The following ARHGEF18 variants were observed in gnomAD, a reference collection of about 807,000 sequenced individuals.
ARHGEF18 encodes the protein rho guanine nucleotide exchange factor 18.
A neutral mutation model predicts 155.7 loss-of-function variants in ARHGEF18; 93 were observed. The ratio of observed to expected loss-of-function variants is 0.60; its 90% confidence interval spans 0.50 to 0.71. The LOEUF is 0.71. ARHGEF18 is among the 30% of genes least tolerant of loss of function. The probability of loss-of-function intolerance (pLI) is 0.00; values close to 1 mark genes in which losing one functional copy is unlikely to be tolerated. For missense variants in ARHGEF18, 1,593 were observed against 1,816.1 expected, an observed-to-expected ratio of 0.88 and a Z score of 2.23; for synonymous variants, 742 against 753.1, an observed-to-expected ratio of 0.99 and a Z score of 0.24.
intron 1 of ARHGEF18, among the ~76,000 whole-genome samples, chr19:7,352,205 C>A (rs1452420147): frequency 1.3e-5 from 2 of 151,630 alleles, no homozygotes; most frequent in African/African-American, 2.4e-5. Flanking sequence ...TTGCTTTGGG[C>A]AGGCAGTTAG....
downstream of ARHGEF18, chr19:7,477,440 TG>T: frequency 7.0e-7 from 1 of 1,431,756 alleles, no homozygotes. Context: ...CAGCGGGCTG[TG>T]GGGCAGAGAG....
At chr19:7,451,799 G>C (rs1427854838) in intron 16 of ARHGEF18, among the ~76,000 whole-genome samples, 2 of 151,898 alleles carry the variant, frequency 1.3e-5, no homozygotes, top group Non-Finnish European at 2.9e-5. Flanking sequence ...TCGGCTCACT[G>C]CAACCTCCAC....
At chr19:7,412,139 A>G (rs7255362) in intron 10 of ARHGEF18, among the ~76,000 whole-genome samples, 101,548 of 150,618 alleles carry the variant, frequency 0.67, 34,860 homozygotes, top group African/African-American at 0.79. Context: ...GGGTTCAAGC[A>G]ATTCTCCTGC....
rs1426312739 is a variant in ARHGEF18, at chr19:7,440,628, C to T, written c.1106+146C>T. ...TGCTAAGCAGAGAAATTCCCATTAA[C>T]GCTTGCTTCCAGGATCCACGCCTTT... On this transcript the variant is annotated intron_variant, in intron 11 of 28. Transcript: ENST00000668164. The surrounding 1 kb of genome is among the most constrained non-coding windows in gnomAD (Gnocchi z 5.4). 50 of 1,167,122 alleles carry T rather than the reference C, an allele frequency of 4.3e-5. No homozygotes were observed. Among genetic ancestry groups the T allele is most frequent in the South Asian group, 1.9e-4 (12 of 62,070 alleles). The allele number at this position is 1,167,122 out of a possible 1,614,324, so 72.3% of individuals were successfully genotyped here.
intron 10 of ARHGEF18, among the ~76,000 whole-genome samples, chr19:7,428,759 C>T (rs948333514): frequency 3.9e-5 from 6 of 152,240 alleles, no homozygotes; most frequent in South Asian, 2.1e-4. Flanking sequence ...CCCTGCAGGT[C>T]GAACCTTTGG....
chr19:7,353,623 AAGAAAAAG>A (rs1969209343), intron 1 of ARHGEF18, among the ~76,000 whole-genome samples: 1 of 151,838 alleles, frequency 6.6e-6, no homozygotes. Flanking sequence ...AGAAAAGAAA[AAGAAAAAG>A]AAATAGATAT....
At chr19:7,415,372 G>T (rs903609508) in intron 10 of ARHGEF18, among the ~76,000 whole-genome samples, 2 of 151,370 alleles carry the variant, frequency 1.3e-5, no homozygotes, top group African/African-American at 4.9e-5. Flanking sequence ...CCCCTGCACC[G>T]CCCCTCTCTG....
At chr19:7,360,362 A>G (rs921130632) in intron 1 of ARHGEF18, among the ~76,000 whole-genome samples, 1 of 151,662 alleles carries the variant, frequency 6.6e-6, no homozygotes, top group Non-Finnish European at 1.5e-5. Flanking sequence ...CAGCCTCCCT[A>G]GTAGCTGGAA....
intron 2 of ARHGEF18, among the ~76,000 whole-genome samples, chr19:7,364,741 G>A (rs1205876801): frequency 6.6e-6 from 1 of 152,160 alleles, no homozygotes; most frequent in African/African-American, 2.4e-5. Context: ...GTCTCCTGGG[G>A]TGGAAGATGT....
At chr19:7,468,674 G>A in intron 26 of ARHGEF18, 151 bp from the exon 27 acceptor site, 1 of 829,206 alleles carries the variant, frequency 1.2e-6, no homozygotes, top group Non-Finnish European at 1.9e-6. Context: ...AGGGGTTGGG[G>A]ACGGGCAATG....
intron 10 of ARHGEF18, among the ~76,000 whole-genome samples, chr19:7,432,222 T>C (rs1215053361): frequency 6.6e-6 from 1 of 152,212 alleles, no homozygotes; most frequent in African/African-American, 2.4e-5. Context: ...AGGCAGGAAC[T>C]GTGAACTGAA....
chr19:7,454,611 G>A (rs1427998690), intron 17 of ARHGEF18, among the ~76,000 whole-genome samples: 1 of 152,190 alleles, frequency 6.6e-6, no homozygotes, highest in Non-Finnish European at 1.5e-5. Context: ...GCTACTTCAT[G>A]GCTGAAGGGA....
intron 2 of ARHGEF18, among the ~76,000 whole-genome samples, chr19:7,367,844 A>ATATATATACATATATATATAT (rs1568270204): frequency 0.033 from 129 of 3,888 alleles, 32 homozygotes; most frequent in African/African-American, 0.069. Context: ...TATATATTTT[A>ATATATATACATATATATATAT]TATATATATA....
At chr19:7,385,823 A>ATCTATCTCTCTCTCTCTCTC (rs1970985418) in intron 10 of ARHGEF18, among the ~76,000 whole-genome samples, 1 of 73,782 alleles carries the variant, frequency 1.4e-5, no homozygotes, top group Admixed American at 1.4e-4. Flanking sequence ...GATAGGATCT[A>ATCTATCTCTCTCTCTCTCTC]TCTCTCTCTA....
intron 22 of ARHGEF18, 142 bp downstream of exon 22, chr19:7,464,097 G>C: frequency 8.1e-7 from 1 of 1,234,956 alleles, no homozygotes; most frequent in Non-Finnish European, 1.1e-6. Context: ...GAGTGCAGTG[G>C]CGCAATCTCA....
chr19:7,450,501 C>CATTAATAT (rs1975319953), intron 15 of ARHGEF18, among the ~76,000 whole-genome samples: 1 of 1,084 alleles, frequency 9.2e-4, no homozygotes, highest in Non-Finnish European at 4.7e-3. Flanking sequence ...GATGTTAATA[C>CATTAATAT]GGGATCTTGC....
At chr19:7,445,681 G>A (rs2145800714) in intron 14 of ARHGEF18, among the ~76,000 whole-genome samples, 2 of 152,226 alleles carry the variant, frequency 1.3e-5, no homozygotes, top group Middle Eastern at 6.8e-3. Flanking sequence ...GTGCAGTGGT[G>A]CAATGTCGGC....
rs1337993372 is a variant in ARHGEF18, at chr19:7,395,169, G to A, written c.967+11966G>A. The A allele has an allele frequency of 3.0e-6, 3 of 985,914 alleles. No individual in the cohort carries two copies. The highest frequency in any genetic ancestry group is 3.5e-5 in the African/African-American group (2 of 57,270). 61.1% of individuals were successfully genotyped at this position (985,914 alleles called of 1,614,324 possible). On this transcript the variant is annotated intron_variant, in intron 10 of 28. Coordinates refer to ENST00000668164, the MANE Select transcript of ARHGEF18 (RefSeq NM_001367823.1). The surrounding 1 kb of genome is among the most constrained non-coding windows in gnomAD (Gnocchi z 5.0). ...TGCTAGCTACTGTGGATCTGGGGGG[G>A]CCGGACGGAGGCATCGGAGGCGGCT...
downstream of ARHGEF18, among the ~76,000 whole-genome samples, chr19:7,475,977 G>A (rs370144825): frequency 3.1e-4 from 47 of 152,300 alleles, no homozygotes; most frequent in Middle Eastern, 0.01. Context: ...GGGGTCTCCC[G>A]CACCCGTGTG....
Sources: gnomAD v4.1 joint callset for allele counts (sites outside exome capture counted in the v4.1 genomes callset) on GRCh38, gnomAD v4.1.1 for gene constraint, Gnocchi (gnomAD v3.1) non-coding constraint, MANE v1.5 for transcripts, NCBI Gene and HGNC (gene_info 2026-07-23, HGNC 2026-07-21) for gene names.